CIMIP1: variants seen among roughly 807,000 people sequenced by gnomAD.
CIMIP1 encodes the protein ciliary microtubule inner protein 1.
chr20:58,160,695 AG>A, the CIMIP1 span: 2 of 1,614,098 alleles, frequency 1.2e-6, no homozygotes. Flanking sequence ...CAGACCACCC[AG>A]GGCTTCATCG....
chr20:58,160,095 T>C, the CIMIP1 span, among the ~76,000 whole-genome samples: 1 of 152,232 alleles, frequency 6.6e-6, no homozygotes, highest in Non-Finnish European at 1.5e-5. Context: ...ACATTTACCC[T>C]CATTTTCCAA....
chr20:58,160,740 G>A, the CIMIP1 span: 11 of 1,614,138 alleles, frequency 6.8e-6, no homozygotes, highest in Non-Finnish European at 9.3e-6. Flanking sequence ...CTGAACAAGT[G>A]CCTAGAGCTC....
the CIMIP1 span, among the ~76,000 whole-genome samples, chr20:58,159,311 T>C: frequency 1.3e-5 from 2 of 148,414 alleles, no homozygotes; most frequent in East Asian, 3.9e-4. Flanking sequence ...AGGTCAGGAG[T>C]TCGAGACCAG....
chr20:58,158,897 T>C, the CIMIP1 span, among the ~76,000 whole-genome samples: 2 of 152,190 alleles, frequency 1.3e-5, no homozygotes, highest in African/African-American at 4.8e-5. Flanking sequence ...TTACACAGCT[T>C]GTACCATACT....
the CIMIP1 span, chr20:58,151,098 C>A: frequency 1.4e-6 from 2 of 1,427,056 alleles, no homozygotes; most frequent in Non-Finnish European, 1.9e-6. Context: ...CATCTGGGGT[C>A]TCAGTTTCCC....
the CIMIP1 span, among the ~76,000 whole-genome samples, chr20:58,155,246 T>C: frequency 1.2e-4 from 18 of 152,248 alleles, no homozygotes; most frequent in Non-Finnish European, 2.5e-4. Context: ...CAGGCCTGCG[T>C]TGAGGTCCCC....
the CIMIP1 span, among the ~76,000 whole-genome samples, chr20:58,156,549 G>A: frequency 2.0e-5 from 3 of 152,118 alleles, no homozygotes; most frequent in Admixed American, 1.3e-4. Flanking sequence ...TAGAGAAGCC[G>A]CTGGAGGGTT....
chr20:58,158,196 A>T, the CIMIP1 span, among the ~76,000 whole-genome samples: 1 of 152,202 alleles, frequency 6.6e-6, no homozygotes, highest in Non-Finnish European at 1.5e-5. Flanking sequence ...AAACATGGTT[A>T]TCTCCTGTGA....
the CIMIP1 span, chr20:58,155,623 A>C: frequency 1.4e-6 from 2 of 1,448,816 alleles, no homozygotes; most frequent in Admixed American, 3.5e-5. Flanking sequence ...TTCCTAAGTA[A>C]GAAATAAGCC....
the CIMIP1 span, chr20:58,155,372 A>G: frequency 5.1e-6 from 5 of 974,356 alleles, no homozygotes; most frequent in Non-Finnish European, 7.8e-6. Flanking sequence ...ACACTCCCCC[A>G]GCTTCACCTG....
At chr20:58,151,034 TAACGCCTGGGATCGGGC>T in the CIMIP1 span, 1 of 1,604,794 alleles carries the variant, frequency 6.2e-7, no homozygotes, top group East Asian at 2.2e-5. Flanking sequence ...TGAGATCTGG[TAACGCCTGGGATCGGGC>T]AACGCGGTGG....
At chr20:58,153,481 T>TC in the CIMIP1 span, 5 of 1,234,288 alleles carry the variant, frequency 4.1e-6, no homozygotes. Context: ...AATGGAAATG[T>TC]CCCCCACAGA....
the CIMIP1 span, chr20:58,160,635 C>A: frequency 6.2e-7 from 1 of 1,605,232 alleles, no homozygotes; most frequent in South Asian, 1.1e-5. Context: ...CCGAAGGTCA[C>A]TAAATCCCCT....
At chr20:58,159,804 C>T in the CIMIP1 span, among the ~76,000 whole-genome samples, 248 of 152,248 alleles carry the variant, frequency 1.6e-3, 2 homozygotes, top group East Asian at 0.032. Context: ...GTTGATGACC[C>T]GCCCTACATG....
At chr20:58,160,448 C>T in the CIMIP1 span, among the ~76,000 whole-genome samples, 67 of 152,254 alleles carry the variant, frequency 4.4e-4, no homozygotes, top group African/African-American at 1.5e-3. Context: ...ATATGTTAGG[C>T]ATTACACGAT....
chr20:58,159,919 C>A, the CIMIP1 span, among the ~76,000 whole-genome samples: 66 of 152,322 alleles, frequency 4.3e-4, 1 homozygote, highest in East Asian at 0.012. Flanking sequence ...CTCCTGCCAC[C>A]GCCTCACCGG....
chr20:58,155,171 T>C, the CIMIP1 span, among the ~76,000 whole-genome samples: 4 of 152,180 alleles, frequency 2.6e-5, no homozygotes, highest in African/African-American at 9.7e-5. Context: ...CCACAGGGGA[T>C]GTAAATCAGG....
the CIMIP1 span, among the ~76,000 whole-genome samples, chr20:58,159,258 A>G: frequency 1.3e-4 from 17 of 133,226 alleles, no homozygotes; most frequent in African/African-American, 4.7e-4. Flanking sequence ...GCTCATGCCT[A>G]TAATCCCAAC....
chr20:58,153,545 A>T, the CIMIP1 span: 6 of 1,614,026 alleles, frequency 3.7e-6, no homozygotes, highest in Non-Finnish European at 4.2e-6. Flanking sequence ...CTTTTTCAGG[A>T]AATACCGTCT....
Sources: allele counts gnomAD v4.1 joint callset (sites outside exome capture counted in the v4.1 genomes callset), GRCh38; gene constraint gnomAD v4.1.1; transcripts MANE v1.5; gene names NCBI Gene and HGNC (gene_info 2026-07-23, HGNC 2026-07-21).